CACNB1: variants seen among roughly 807,000 people sequenced by gnomAD.
The protein encoded by CACNB1 is voltage-dependent L-type calcium channel subunit beta-1.
A neutral mutation model predicts 71.6 loss-of-function variants in CACNB1; 29 were observed. That is an observed-to-expected ratio of 0.40 (90% CI 0.30 to 0.55). CACNB1 has a LOEUF of 0.55. Ranked by LOEUF, CACNB1 falls within the 20% of genes least tolerant of loss-of-function variation. The pLI, the probability that CACNB1 is intolerant of heterozygous loss-of-function variation, is 0.38. For synonymous variants in CACNB1, 300 were observed against 319.6 expected (o/e 0.94, Z 0.65); for missense variants, 623 against 801.8 (o/e 0.78, Z 2.69).
intron 10 of CACNB1, 22 bp from the exon 11 acceptor site, chr17:39,183,886 G>C (rs369028471): frequency 6.2e-7 from 1 of 1,607,218 alleles, no homozygotes; most frequent in Non-Finnish European, 8.5e-7. Context: ...GAGTCATGTG[G>C]ATGGGGGAAT....
chr17:39,186,426 A>G lies in CACNB1; in HGVS notation c.628+70T>C. ...TGTTTCCTACTGCAGGGAAAGGAGGATTCAGGGAGTGGGGAGACCACCCCA... is the reference window on the plus strand; with the variant it reads ...TGTTTCCTACTGCAGGGAAAGGAGGGTTCAGGGAGTGGGGAGACCACCCCA... On this transcript the variant is annotated intron_variant, in intron 6 of 13. Coordinates refer to ENST00000394303, the MANE Select transcript of CACNB1 (RefSeq NM_000723.5). This position sits in a 1 kb window ranked among gnomAD's most constrained non-coding sequence, Gnocchi z 4.1. 1 of 1,131,484 alleles carries G rather than the reference A, an allele frequency of 8.8e-7. No homozygotes were observed. The allele number at this position is 1,131,484 out of a possible 1,614,324, so 70.1% of individuals were successfully genotyped here. A position where few individuals can be genotyped will look rare whatever the true frequency, so the allele number is the denominator to read the frequency against.
intron 11 of CACNB1, among the ~76,000 whole-genome samples, chr17:39,178,784 C>G (rs887844537): frequency 2.6e-5 from 4 of 152,180 alleles, no homozygotes; most frequent in Non-Finnish European, 5.9e-5. Flanking sequence ...CAATTGAGTC[C>G]TGACAACAAT....
chr17:39,191,780 G>A, intron 2 of CACNB1, 187 bp from the exon 3 acceptor site: 1 of 575,260 alleles, frequency 1.7e-6, no homozygotes, highest in Non-Finnish European at 3.0e-6. Flanking sequence ...CAGGCCCCTG[G>A]GGAAAGTGTG....
Position 39,174,726 on chromosome 17 carries a change from C to A in CACNB1, c.*467G>T, listed in dbSNP as rs71369725. The A allele has an allele frequency of 0.052, 8,112 of 156,624 alleles. 239 individuals carry two copies. Among genetic ancestry groups the A allele is most frequent in the Middle Eastern group, 0.09 (27 of 300 alleles). The allele number at this position is 156,624 out of a possible 1,614,324, so 9.7% of individuals were successfully genotyped here. On this transcript the variant is annotated 3_prime_UTR_variant, in exon 14 of 14. Transcript: ENST00000394303. ...AGGAAGGGGCAGGCAGGGTGAGGGA[C>A]CTTGGATCTGGGGTCTGGGGAAGAG...
intron 4 of CACNB1, 98 bp from the exon 5 acceptor site, chr17:39,187,027 C>A: frequency 7.4e-7 from 1 of 1,359,480 alleles, no homozygotes; most frequent in East Asian, 2.4e-5. Flanking sequence ...ACTCACCTCC[C>A]AGCCCAGGGG....
intron 13 of CACNB1, 104 bp downstream of exon 13, chr17:39,177,243 CACT>C: frequency 3.8e-6 from 6 of 1,581,238 alleles, no homozygotes; most frequent in Non-Finnish European, 5.2e-6. Flanking sequence ...GCAGGGCGCC[CACT>C]ACATGGCATG....
rs750767005 is a variant in CACNB1 at position 39,187,496 on chromosome 17, A to C, written c.397T>G (p.Phe133Val). Residue 133 changes from phenylalanine to valine, a missense_variant, in exon 4 of 14, where the codon TTC becomes GTC. Coordinates refer to ENST00000394303, the MANE Select transcript of CACNB1 (RefSeq NM_000723.5). ...ATACCCACCTCCTTGATGTGCAGGA[A>C]GTCTTTGGGCTCGAAGGTGATGGCC... is the stretch of plus-strand genomic sequence containing the variant. ...GVAITFEPKD[F>V]LHIKEKYNND... is the part of the protein sequence containing the mutation. 6 of 1,614,082 alleles carry C rather than the reference A, an allele frequency of 3.7e-6. No individual in the cohort carries two copies. In the Admixed American group the frequency reaches 8.3e-5, roughly 22 times the overall value.
intron 3 of CACNB1, among the ~76,000 whole-genome samples, chr17:39,190,858 G>A (rs554485902): frequency 1.8e-4 from 27 of 152,172 alleles, no homozygotes; most frequent in East Asian, 9.7e-4. Context: ...GAAGTTAAGT[G>A]GTATTATTAT....
At chr17:39,187,362 T>C in intron 4 of CACNB1, 117 bp downstream of exon 4, 3 of 1,184,188 alleles carry the variant, frequency 2.5e-6, no homozygotes, top group Non-Finnish European at 3.7e-6. Context: ...GAGATTTGTC[T>C]AAGGTCACAC....
At position 39,191,591 on chromosome 17, in the gene CACNB1, G is replaced by A. The variant is rs1171382448; in HGVS notation, c.174C>T (p.Gly58=). 1.9e-6 allele frequency: 3 copies of A among 1,608,898 alleles called. No individual in the cohort carries two copies. The highest frequency in any genetic ancestry group is 2.7e-5 in the African/African-American group (2 of 74,454). Residue 58 remains glycine, a splice_region_variant and synonymous_variant, in exon 3 of 14, where the codon GGC becomes GGT. Transcript: ENST00000394303. ...DTTSNSFVRQ[G]SAESYTSRPS... is the part of the protein sequence containing the mutation. ...GACGGCTGGTGTAGGACTCCGCTGA[G>A]CCCTGAAAATAGAGAGAGCCAGATC...
At chr17:39,191,648 C>T in intron 2 of CACNB1, 55 bp from the exon 3 acceptor site, 1 of 1,578,024 alleles carries the variant, frequency 6.3e-7, no homozygotes. Context: ...AGCTCCTGGG[C>T]CTGGGAAGGC....
chr17:39,191,717 A>G, intron 2 of CACNB1, 124 bp from the exon 3 acceptor site: 1 of 903,820 alleles, frequency 1.1e-6, no homozygotes, highest in Non-Finnish European at 1.7e-6. Context: ...ATGACACCAC[A>G]AGGGCTAAGA....
chr17:39,185,317 GGGAAC>G (rs2045907372), intron 6 of CACNB1, among the ~76,000 whole-genome samples, 167 bp from the exon 7 acceptor site: 1 of 152,094 alleles, frequency 6.6e-6, no homozygotes, highest in Non-Finnish European at 1.5e-5. Context: ...GCCAGAGACG[GGGAAC>G]GGGACCCCAC....
At chr17:39,196,732 C>A (rs977710390) in intron 1 of CACNB1, among the ~76,000 whole-genome samples, 4 of 151,454 alleles carry the variant, frequency 2.6e-5, no homozygotes, top group Non-Finnish European at 5.9e-5. Context: ...AGCTTCCCCC[C>A]CTCCTATGAG....
At chr17:39,181,902 C>A (rs1056347830) in intron 11 of CACNB1, among the ~76,000 whole-genome samples, 1 of 152,250 alleles carries the variant, frequency 6.6e-6, no homozygotes, top group South Asian at 2.1e-4. Context: ...GTGGCTCACA[C>A]CTGTAATCCT....
At chr17:39,177,956 T>C in intron 12 of CACNB1, 28 bp downstream of exon 12, 1 of 1,554,222 alleles carries the variant, frequency 6.4e-7, no homozygotes, top group South Asian at 1.1e-5. Context: ...TCTCCCTCCA[T>C]TCCCTTCCCT....
At position 39,175,232 on chromosome 17, in the gene CACNB1, A is replaced by T. The variant is rs761389003; in HGVS notation, c.1758T>A (p.Asn586Lys). The T allele has an allele frequency of 1.2e-6, 2 of 1,613,368 alleles. No homozygotes were observed. The highest frequency in any genetic ancestry group is 2.2e-5 in the South Asian group (2 of 91,036). ...GGGPVLGRNK[N>K]ELEGWGRGVY... Reference sequence around the variant, plus strand: ...CGCCTCGTCCCCAGCCCTCCAGCTCATTCTTGTTGCGCCCCAAAACTGGAC... The same window carrying T: ...CGCCTCGTCCCCAGCCCTCCAGCTCTTTCTTGTTGCGCCCCAAAACTGGAC... Residue 586 changes from asparagine (N) to lysine (K), a missense_variant, in exon 14 of 14, where the codon AAT becomes AAA. Physicochemically the swap from Asn to Lys is moderately conservative, Grantham distance 94. Coordinates refer to ENST00000394303, the MANE Select transcript of CACNB1 (RefSeq NM_000723.5). This position sits in a 1 kb window ranked among gnomAD's most constrained non-coding sequence, Gnocchi z 4.7.
chr17:39,182,941 C>T (rs1226996557), intron 11 of CACNB1: 1 of 983,410 alleles, frequency 1.0e-6, no homozygotes, highest in African/African-American at 1.7e-5. Context: ...ATTTCAAGCC[C>T]ATGCTGTCTT....
intron 6 of CACNB1, chr17:39,185,864 C>T (rs2045924796): frequency 1.4e-6 from 2 of 1,443,906 alleles, no homozygotes; most frequent in African/African-American, 2.8e-5. Context: ...GTTGGTACCA[C>T]ATCTGAATCC....
Sources: allele counts gnomAD v4.1 joint callset (sites outside exome capture counted in the v4.1 genomes callset), GRCh38; gene constraint gnomAD v4.1.1; non-coding constraint Gnocchi (gnomAD v3.1); transcripts MANE v1.5; gene names NCBI Gene and HGNC (gene_info 2026-07-23, HGNC 2026-07-21).